RBMS2: variants seen among roughly 807,000 people sequenced by gnomAD.
RBMS2 encodes the protein RNA binding motif single stranded interacting protein 2.
RBMS2 carries 38 observed loss-of-function variants against 58.4 expected under a neutral mutation model. The observed-to-expected ratio is 0.65, with a 90% CI of 0.50 to 0.85. The LOEUF (loss-of-function observed/expected upper bound fraction) is 0.85, where lower values mean the gene tolerates loss of function less well. Ranked by LOEUF, RBMS2 falls within the 40% of genes least tolerant of loss-of-function variation. The pLI is 0.00. For synonymous variants in RBMS2, 151 were observed against 180.7 expected (o/e 0.84, Z 1.32); for missense variants, 367 against 503.7 (o/e 0.73, Z 2.60).
At chr12:56,572,288 CAAAAAAAAAAAA>C (rs34385329) in intron 5 of RBMS2, among the ~76,000 whole-genome samples, 3 of 73,088 alleles carry the variant, frequency 4.1e-5, no homozygotes, top group Non-Finnish European at 8.8e-5. Flanking sequence ...GACTCTGTCT[CAAAAAAAAAAAA>C]AAAAAAAAGG....
In RBMS2 at chr12:56,522,069, T is replaced by C. The variant is rs770512270; in HGVS notation, c.46T>C (p.Tyr16His). The change falls in exon 1 of 14, where the codon TAC becomes CAC. Residue 16 changes from tyrosine (Y) to histidine (H), a missense_variant. This residue lies in a region of RBMS2 where 93 missense variants were observed against 132.2 expected (regional missense o/e 0.70). Coordinates refer to ENST00000262031, the MANE Select transcript of RBMS2 (RefSeq NM_002898.4). ...CAGGCCCGGGATTTCGACTTTTGGC[T>C]ACAATAGAAACAACAAGAAGGTAGG... ...TSRPGISTFGYNRNNKKPYVS... is the reference protein window; with the variant it reads ...TSRPGISTFGHNRNNKKPYVS... The C allele has an allele frequency of 1.3e-6, 2 of 1,599,766 alleles. No individual in the cohort carries two copies. The highest frequency in any genetic ancestry group is 1.7e-6 in the Non-Finnish European group (2 of 1,168,470).
At chr12:56,527,587 G>A (rs1396744397) in intron 1 of RBMS2, among the ~76,000 whole-genome samples, 4 of 152,074 alleles carry the variant, frequency 2.6e-5, no homozygotes, top group African/African-American at 2.4e-5. Context: ...ACTTCAGCCC[G>A]GGGCCGACAA....
At chr12:56,547,448 T>C (rs189004680) in intron 1 of RBMS2, among the ~76,000 whole-genome samples, 5 of 152,192 alleles carry the variant, frequency 3.3e-5, no homozygotes, top group East Asian at 1.9e-4. Flanking sequence ...AGTAGGAGGA[T>C]TGCTTGAGTC....
At chr12:56,560,091 C>T (rs913441466) in intron 1 of RBMS2, among the ~76,000 whole-genome samples, 4 of 151,728 alleles carry the variant, frequency 2.6e-5, no homozygotes, top group African/African-American at 9.7e-5. Context: ...GACGGGGTTT[C>T]ATCATGTTGG....
chr12:56,531,554 C>T (rs760121008), intron 1 of RBMS2, among the ~76,000 whole-genome samples: 9 of 152,008 alleles, frequency 5.9e-5, no homozygotes, highest in Admixed American at 4.6e-4. Context: ...ATTGGCCCAG[C>T]GCGGTGGCTC....
intron 1 of RBMS2, among the ~76,000 whole-genome samples, chr12:56,553,826 GT>G (rs200492614): frequency 0.048 from 6,593 of 136,092 alleles, 284 homozygotes; most frequent in African/African-American, 0.13. Flanking sequence ...TAATTTCTTT[GT>G]TTTTTTTTTT....
intron 1 of RBMS2, among the ~76,000 whole-genome samples, chr12:56,544,197 A>G (rs993065739): frequency 6.6e-6 from 1 of 151,870 alleles, no homozygotes; most frequent in Non-Finnish European, 1.5e-5. Context: ...ACTCGTTTGA[A>G]CCCAGGAGGT....
chr12:56,574,081 T>C (rs1302652567), intron 5 of RBMS2, among the ~76,000 whole-genome samples: 2 of 152,192 alleles, frequency 1.3e-5, no homozygotes, highest in African/African-American at 4.8e-5. Context: ...CCTCAGGTTA[T>C]CCAGCCGCCT....
chr12:56,581,286 TGA>T (rs1883906368), intron 6 of RBMS2, 23 bp downstream of exon 6: 4 of 1,586,246 alleles, frequency 2.5e-6, no homozygotes. Context: ...GGGCTCAGGC[TGA>T]GAGGGCCACA....
intron 5 of RBMS2, among the ~76,000 whole-genome samples, chr12:56,576,648 C>A (rs1051738790): frequency 2.0e-5 from 3 of 151,806 alleles, no homozygotes; most frequent in African/African-American, 2.4e-5. Context: ...GTTTCTATTC[C>A]ATTTCTCTAT....
intron 1 of RBMS2, among the ~76,000 whole-genome samples, chr12:56,553,336 T>G (rs767187875): frequency 2.0e-5 from 3 of 151,702 alleles, no homozygotes; most frequent in Non-Finnish European, 4.4e-5. Flanking sequence ...ATTTCTTTTT[T>G]TGTGTGTGTA....
intron 1 of RBMS2, among the ~76,000 whole-genome samples, chr12:56,528,823 C>T (rs548181571): frequency 6.6e-6 from 1 of 152,118 alleles, no homozygotes; most frequent in South Asian, 2.1e-4. Context: ...GCTATTCATA[C>T]TTGGAAGGCT....
chr12:56,588,465 C>T, intron 12 of RBMS2, 91 bp downstream of exon 12: 1 of 1,207,184 alleles, frequency 8.3e-7, no homozygotes, highest in African/African-American at 1.5e-5. Flanking sequence ...CACAATGATG[C>T]TGATTCTGTG....
chr12:56,534,480 G>T (rs1326912412), intron 1 of RBMS2, among the ~76,000 whole-genome samples: 1 of 152,090 alleles, frequency 6.6e-6, no homozygotes, highest in Non-Finnish European at 1.5e-5. Flanking sequence ...CATCAACAAT[G>T]TATAAAATTT....
intron 1 of RBMS2, among the ~76,000 whole-genome samples, chr12:56,559,702 T>C (rs1263013889): frequency 2.7e-5 from 4 of 149,104 alleles, no homozygotes; most frequent in African/African-American, 9.8e-5. Flanking sequence ...ATACAAAAAA[T>C]TAGCCAGGCG....
intron 1 of RBMS2, among the ~76,000 whole-genome samples, chr12:56,540,438 A>C (rs139689766): frequency 6.1e-4 from 93 of 152,180 alleles, no homozygotes; most frequent in African/African-American, 2.2e-3. Context: ...GAGTGGTGTG[A>C]TCATAGCTCA....
intron 2 of RBMS2, 146 bp from the exon 3 acceptor site, chr12:56,568,829 C>A (rs1240031569): frequency 2.9e-6 from 2 of 680,606 alleles, no homozygotes; most frequent in Non-Finnish European, 4.8e-6. Flanking sequence ...TGCACCCGGC[C>A]CCCGTTTCTT....
chr12:56,595,812 G>A lies in RBMS2; in HGVS notation c.*6679G>A, dbSNP rs1885731940. 6.6e-6 allele frequency: 1 copy of A among 152,570 alleles called. No homozygotes were observed. The highest frequency in any genetic ancestry group is 6.6e-5 in the Admixed American group (1 of 15,266). 9.5% of individuals were successfully genotyped at this position (152,570 alleles called of 1,614,324 possible). A position where few individuals can be genotyped will look rare whatever the true frequency, so the allele number is the denominator to read the frequency against. On this transcript the variant is annotated 3_prime_UTR_variant, in exon 14 of 14. Coordinates refer to ENST00000262031, the MANE Select transcript of RBMS2 (RefSeq NM_002898.4). ...CCCTTTCCATCCACACAGAGGGTATGGAACAGGAGCCCCTGTTGTTCCCTT... is the reference window on the plus strand; with the variant it reads ...CCCTTTCCATCCACACAGAGGGTATAGAACAGGAGCCCCTGTTGTTCCCTT...
intron 9 of RBMS2, among the ~76,000 whole-genome samples, chr12:56,586,033 A>G (rs1357236444): frequency 6.6e-6 from 1 of 152,156 alleles, no homozygotes; most frequent in Non-Finnish European, 1.5e-5. Context: ...AAATACAAAA[A>G]GTAGCCAGGT....
Sources: allele counts gnomAD v4.1 joint callset (sites outside exome capture counted in the v4.1 genomes callset), GRCh38; gene constraint gnomAD v4.1.1; regional missense constraint gnomAD v4.1.1; transcripts MANE v1.5; gene names NCBI Gene and HGNC (gene_info 2026-07-23, HGNC 2026-07-21).